SSH2: variants seen among roughly 807,000 people sequenced by gnomAD.
SSH2 encodes slingshot protein phosphatase 2, also known as protein phosphatase Slingshot homolog 2.
Under a neutral mutation model 135.2 loss-of-function variants are expected in SSH2, and 37 were observed. The observed-to-expected ratio is 0.27, with a 90% CI of 0.21 to 0.36. The LOEUF (loss-of-function observed/expected upper bound fraction) is 0.36, where lower values mean the gene tolerates loss of function less well. Ranked by LOEUF, SSH2 falls within the 10% of genes least tolerant of loss-of-function variation. The pLI is 1.00. For missense variants in SSH2, 1,408 were observed against 1,765.3 expected (o/e 0.80, Z 3.63); for synonymous variants, 628 against 646.2 (o/e 0.97, Z 0.43).
intron 8 of SSH2, among the ~76,000 whole-genome samples, chr17:29,672,565 TC>T (rs1205298823): frequency 6.6e-6 from 1 of 152,212 alleles, no homozygotes; most frequent in Non-Finnish European, 1.5e-5. Context: ...TTCACAAAGA[TC>T]ACATAGATAG....
At chr17:29,690,062 A>G (rs1262396179) in intron 5 of SSH2, among the ~76,000 whole-genome samples, 3 of 151,708 alleles carry the variant, frequency 2.0e-5, no homozygotes, top group African/African-American at 7.3e-5. Context: ...GCATCATCTA[A>G]CATCAGGAAA....
chr17:29,634,565 A>T (rs180719318), intron 15 of SSH2, among the ~76,000 whole-genome samples: 34 of 131,646 alleles, frequency 2.6e-4, no homozygotes, highest in East Asian at 1.9e-3. Context: ...TATTATTATT[A>T]TTTTTTGAGA....
At chr17:29,743,957 C>A (rs2040664113) in intron 3 of SSH2, among the ~76,000 whole-genome samples, 1 of 110,550 alleles carries the variant, frequency 9.0e-6, no homozygotes, top group Non-Finnish European at 1.8e-5. Flanking sequence ...TTTATTTGGT[C>A]CATTGGAGCC....
At chr17:29,755,688 G>A (rs2041091282) in intron 3 of SSH2, among the ~76,000 whole-genome samples, 1 of 148,858 alleles carries the variant, frequency 6.7e-6, no homozygotes, top group Non-Finnish European at 1.5e-5. Context: ...TTGAGATGGA[G>A]TCTCGCTCTT....
intron 2 of SSH2, among the ~76,000 whole-genome samples, chr17:29,834,630 G>A (rs993663523): frequency 4.0e-5 from 6 of 151,750 alleles, no homozygotes; most frequent in African/African-American, 1.5e-4. Context: ...TATTGTTTCT[G>A]GGTTTTGTGT....
intron 2 of SSH2, among the ~76,000 whole-genome samples, chr17:29,831,102 G>T (rs1453105115): frequency 6.6e-6 from 1 of 152,204 alleles, no homozygotes; most frequent in Non-Finnish European, 1.5e-5. Flanking sequence ...TGCCAGAATT[G>T]TTTGATATAG....
chr17:29,848,757 G>C (rs887391964), intron 2 of SSH2, 92 bp downstream of exon 2: 3 of 745,520 alleles, frequency 4.0e-6, no homozygotes, highest in South Asian at 3.8e-5. Flanking sequence ...TAAAATAATA[G>C]GCACTATATC....
At chr17:29,862,612 G>A (rs2065783483) in intron 1 of SSH2, among the ~76,000 whole-genome samples, 1 of 152,158 alleles carries the variant, frequency 6.6e-6, no homozygotes, top group Non-Finnish European at 1.5e-5. Flanking sequence ...GAAGCTTTAA[G>A]CCAAAAGAGC....
At chr17:29,658,649 C>T (rs1239763694) in intron 11 of SSH2, among the ~76,000 whole-genome samples, 1 of 152,024 alleles carries the variant, frequency 6.6e-6, no homozygotes, top group Non-Finnish European at 1.5e-5. Flanking sequence ...AGACGGATCA[C>T]CTGAGGTTGG....
chr17:29,841,009 A>G (rs1659007808), intron 2 of SSH2, among the ~76,000 whole-genome samples: 1 of 152,206 alleles, frequency 6.6e-6, no homozygotes, highest in South Asian at 2.1e-4. Context: ...AGAGCCCTCT[A>G]AAAAGCATAG....
intron 8 of SSH2, chr17:29,676,568 C>T (rs1281547776): frequency 1.2e-5 from 5 of 426,178 alleles, no homozygotes; most frequent in Admixed American, 3.9e-5. Flanking sequence ...TTATCTAAAC[C>T]GTTAAGTCTC....
intron 2 of SSH2, among the ~76,000 whole-genome samples, chr17:29,799,188 T>C (rs2042208512): frequency 6.6e-6 from 1 of 152,218 alleles, no homozygotes; most frequent in African/African-American, 2.4e-5. Flanking sequence ...TCTATTTACA[T>C]AGACTAGATT....
chr17:29,660,921 G>A (rs1224598702), intron 11 of SSH2, among the ~76,000 whole-genome samples: 2 of 151,668 alleles, frequency 1.3e-5, no homozygotes, highest in African/African-American at 4.8e-5. Flanking sequence ...GCCTGGTATG[G>A]TGGTGCGTGC....
In SSH2 at chr17:29,632,641, G is replaced by C. The variant is rs747597786; in HGVS notation, c.2553C>G (p.Asn851Lys). 6.2e-7 allele frequency: 1 copy of C among 1,614,134 alleles called. No individual in the cohort carries two copies. Residue 851 changes from asparagine to lysine, a missense_variant, in exon 16 of 16, where the codon AAC (asparagine) becomes AAG (lysine). Around this residue, in one of 3 missense-constraint regions of SSH2, gnomAD observed 1,080 missense variants for 1,144.5 expected, o/e 0.94. Coordinates refer to ENST00000540801, the MANE Select transcript of SSH2 (RefSeq NM_001282129.2). ...AGTGTGTGGTTAGGCAGCCTTCTGG[G>C]TTGCACATCCCTGAGTCTTTGGCTA... ...PELAKDSGMC[N>K]PEGCLTTHSS...
chr17:29,901,727 TCTTTCTCCCTTC>T (rs1353892070), intron 1 of SSH2, among the ~76,000 whole-genome samples: 5 of 151,798 alleles, frequency 3.3e-5, no homozygotes, highest in Admixed American at 2.6e-4. Context: ...TCCTTTTCTT[TCTTTCTCCCTTC>T]CTTTCTCCCT....
At chr17:29,683,521 G>A (rs982430241) in intron 6 of SSH2, among the ~76,000 whole-genome samples, 1 of 150,096 alleles carries the variant, frequency 6.7e-6, no homozygotes, top group Non-Finnish European at 1.5e-5. Context: ...GTAAAAGCAA[G>A]GTTTAAACAA....
At chr17:29,718,762 G>GCT (rs903038061) in intron 3 of SSH2, among the ~76,000 whole-genome samples, 5 of 148,556 alleles carry the variant, frequency 3.4e-5, no homozygotes, top group African/African-American at 1.2e-4. Context: ...AAAAAAAGAG[G>GCT]CTGCAGTCAT....
intron 3 of SSH2, among the ~76,000 whole-genome samples, chr17:29,704,704 TAA>T (rs773267123): frequency 1.1e-3 from 105 of 98,150 alleles, no homozygotes; most frequent in African/African-American, 2.8e-3. Flanking sequence ...CTCTGTCTCT[TAA>T]AAAAAAAAAA....
rs758417670 is a variant in SSH2 at position 29,782,476 on chromosome 17, T to C, written c.188+11418A>G. Among the ~76,000 whole-genome samples the C allele has an allele frequency of 4.6e-5, 7 of 152,236 alleles. No homozygotes were observed. In the South Asian group the frequency reaches 1.2e-3, roughly 27 times the overall value. On this transcript the variant is annotated intron_variant, in intron 3 of 15. Coordinates refer to ENST00000540801, the MANE Select transcript of SSH2 (RefSeq NM_001282129.2). ...CCCCTCCCCTCATGCTGTATAATAC[T>C]GCCAGACTCCTTCTGGAAGTCATGT...
Sources: gnomAD v4.1 joint callset for allele counts (sites outside exome capture counted in the v4.1 genomes callset) on GRCh38, gnomAD v4.1.1 for gene constraint, gnomAD v4.1.1 regional missense constraint, MANE v1.5 for transcripts, NCBI Gene and HGNC (gene_info 2026-07-23, HGNC 2026-07-21) for gene names.